Variants in CD226 observed in about 807,000 individuals in gnomAD.
The protein encoded by CD226 is CD226 molecule, also known as CD226 antigen.
CD226 carries 24 observed loss-of-function variants against 34.9 expected under a neutral mutation model. That is an observed-to-expected ratio of 0.69 (90% confidence interval 0.50 to 0.97). The LOEUF (loss-of-function observed/expected upper bound fraction) is 0.97. CD226 is among the 50% of genes least tolerant of loss of function. The pLI is 0.00. For missense variants in CD226, 397 were observed against 412.7 expected (o/e 0.96, Z 0.33); for synonymous variants, 148 against 147.4 (o/e 1.00, Z -0.03).
In CD226 at chr18:69,857,116, C is replaced by G. The variant is rs1366202354; in HGVS notation, c.*7198G>C. Reference sequence around the variant, plus strand: ...CCTGGAAGACGCAGCTTGCGGTGAGCCGAGGTCGCACCACTGCACTCCAGC... The same window carrying G: ...CCTGGAAGACGCAGCTTGCGGTGAGGCGAGGTCGCACCACTGCACTCCAGC... On this transcript the variant is annotated 3_prime_UTR_variant, in exon 6 of 6. Coordinates refer to ENST00000582621, the MANE Select transcript of CD226 (RefSeq NM_001303618.2). 6.6e-6 allele frequency: 1 copy of G among 152,310 alleles called. No homozygotes were observed. The highest frequency in any genetic ancestry group is 1.9e-4 in the East Asian group (1 of 5,202). 9.4% of individuals were successfully genotyped at this position (152,310 alleles called of 1,614,324 possible). A position where few individuals can be genotyped will look rare whatever the true frequency, so the allele number is the denominator to read the frequency against.
chr18:69,901,828 G>C lies in CD226; in HGVS notation c.383-5783C>G, dbSNP rs563600552. ...CGGGAGGCAGAGCTTGCAGTGAGCC[G>C]AGATCGCACCACTGCACTCCAGCCT... On this transcript the variant is annotated intron_variant, in intron 2 of 5. Transcript: ENST00000582621. 4.1e-3 allele frequency among the ~76,000 whole-genome samples: 616 copies of C among 151,186 alleles called. 4 individuals are homozygous for C. Among genetic ancestry groups the C allele is most frequent in the African/African-American group, 0.014 (592 of 41,094 alleles).
At chr18:69,916,210 C>G (rs911416554) in intron 2 of CD226, among the ~76,000 whole-genome samples, 1 of 152,048 alleles carries the variant, frequency 6.6e-6, no homozygotes, top group African/African-American at 2.4e-5. Flanking sequence ...ATACCACAAA[C>G]AAAACTAAAA....
chr18:69,883,172 A>T (rs1025724867), intron 3 of CD226, among the ~76,000 whole-genome samples: 1 of 152,182 alleles, frequency 6.6e-6, no homozygotes, highest in African/African-American at 2.4e-5. Context: ...TAGCAGTGAG[A>T]CTGTCATAGA....
In CD226 at chr18:69,863,958, G is replaced by A. The variant is rs1436078148; in HGVS notation, c.*356C>T. 3 of 164,740 alleles carry A rather than the reference G, an allele frequency of 1.8e-5. No homozygotes were observed. The highest frequency in any genetic ancestry group is 7.2e-5 in the African/African-American group (3 of 41,936). The allele number at this position is 164,740 out of a possible 1,614,324, so 10.2% of individuals were successfully genotyped here. On this transcript the variant is annotated 3_prime_UTR_variant, in exon 6 of 6. Transcript: ENST00000582621. ...GCATGAGAGTGAGGCCAAGACCAGG[G>A]AAATGGATCCAACACTCTGGAAAGG...
At chr18:69,865,822 T>C (rs941281806) in intron 5 of CD226, among the ~76,000 whole-genome samples, 2 of 152,246 alleles carry the variant, frequency 1.3e-5, no homozygotes, top group Non-Finnish European at 2.9e-5. Context: ...CTTGTGGCCA[T>C]GTAGAATTCC....
In CD226 at chr18:69,879,433, T is replaced by G. The variant is rs117819005; in HGVS notation, c.728-6187A>C. On this transcript the variant is annotated intron_variant, in intron 3 of 5. Transcript: ENST00000582621. ...CAGGGCTGTGAATTATTAATATTCC[T>G]TACTGGGGAAGGAATTCAGCGATAT... is the stretch of plus-strand genomic sequence containing the variant. Among the ~76,000 whole-genome samples the G allele has an allele frequency of 6.1e-3, 926 of 152,224 alleles. 33 individuals are homozygous for G. The East Asian group carries it at 0.092, about 15-fold the overall frequency.
intron 2 of CD226, among the ~76,000 whole-genome samples, chr18:69,911,106 T>G (rs1269089460): frequency 6.6e-6 from 1 of 152,214 alleles, no homozygotes; most frequent in African/African-American, 2.4e-5. Context: ...ATTGAAATGG[T>G]CCAACATTTT....
rs1297708101 is a variant in CD226, at chr18:69,862,816, C to CATG, written c.*1495_*1497dup. ...TTGGATTTGCTTTATTTAAGATTAT[C>CATG]ATGAAGTCCACAACTTTGATATTTA... On this transcript the variant is annotated 3_prime_UTR_variant, in exon 6 of 6. Transcript: ENST00000582621. 1 of 152,168 alleles carries CATG rather than the reference C, an allele frequency of 6.6e-6. No individual in the cohort carries two copies. Among genetic ancestry groups the CATG allele is most frequent in the African/African-American group, 2.4e-5 (1 of 41,442 alleles). 9.4% of individuals were successfully genotyped at this position (152,168 alleles called of 1,614,324 possible).
chr18:69,890,212 G>A (rs527413025), intron 3 of CD226, among the ~76,000 whole-genome samples: 1 of 152,278 alleles, frequency 6.6e-6, no homozygotes, highest in South Asian at 2.1e-4. Flanking sequence ...CACTTACTGG[G>A]CATATTCTGA....
intron 2 of CD226, among the ~76,000 whole-genome samples, chr18:69,912,725 T>A (rs896693472): frequency 2.0e-5 from 3 of 152,248 alleles, no homozygotes; most frequent in Admixed American, 2.0e-4. Context: ...TGTGACTATA[T>A]TCAATGCTTT....
upstream of CD226, among the ~76,000 whole-genome samples, chr18:69,948,045 G>A (rs568012684): frequency 3.9e-5 from 6 of 152,156 alleles, no homozygotes; most frequent in South Asian, 1.0e-3. Flanking sequence ...AAGTATGCTG[G>A]CCCAGGGCAT....
At chr18:69,958,969 T>G (rs1345232164), upstream of CD226, among the ~76,000 whole-genome samples, 1 of 152,230 alleles carries the variant, frequency 6.6e-6, no homozygotes, top group Non-Finnish European at 1.5e-5. Context: ...CTCTGGTTTA[T>G]TTAGCTTCCT....
chr18:69,885,556 C>T (rs542887578), intron 3 of CD226, among the ~76,000 whole-genome samples: 46 of 152,286 alleles, frequency 3.0e-4, no homozygotes, highest in African/African-American at 1.1e-3. Flanking sequence ...ACACAGGAAG[C>T]GTCCAGTGGG....
At chr18:69,960,318 C>T (rs186475230), upstream of CD226, among the ~76,000 whole-genome samples, 6 of 151,714 alleles carry the variant, frequency 4.0e-5, no homozygotes, top group East Asian at 1.9e-4. Flanking sequence ...AAGGACACTA[C>T]GAGACCACAA....
upstream of CD226, among the ~76,000 whole-genome samples, chr18:69,960,105 T>C (rs1234013097): frequency 6.6e-6 from 1 of 151,612 alleles, no homozygotes; most frequent in African/African-American, 2.4e-5. Context: ...CCAGTTGTGG[T>C]GGTGCACGTC....
upstream of CD226, among the ~76,000 whole-genome samples, chr18:69,960,057 T>C (rs894749693): frequency 1.1e-4 from 17 of 151,902 alleles, no homozygotes; most frequent in African/African-American, 3.1e-4. Flanking sequence ...CTAGCCAATA[T>C]GGTGAAACCC....
In CD226 at chr18:69,873,129, A is replaced by C; in HGVS notation, c.830+15T>G. ...AACATGGTGAATAAGATTCAGCATAAGTTGCACTACTCACCTGTTAAGGAA... is the reference window on the plus strand; with the variant it reads ...AACATGGTGAATAAGATTCAGCATACGTTGCACTACTCACCTGTTAAGGAA... On this transcript the variant is annotated intron_variant, in intron 4 of 5. Coordinates refer to ENST00000582621, the MANE Select transcript of CD226 (RefSeq NM_001303618.2). 1 of 1,319,820 alleles carries C rather than the reference A, an allele frequency of 7.6e-7. No individual in the cohort carries two copies. The highest frequency in any genetic ancestry group is 1.1e-6 in the Non-Finnish European group (1 of 912,294). The allele number at this position is 1,319,820 out of a possible 1,614,324, so 81.8% of individuals were successfully genotyped here.
At chr18:69,891,845 G>A (rs1984922961) in intron 3 of CD226, among the ~76,000 whole-genome samples, 1 of 152,118 alleles carries the variant, frequency 6.6e-6, no homozygotes, top group South Asian at 2.1e-4. Flanking sequence ...TTATTGTTTT[G>A]CCATCTTTGC....
intron 2 of CD226, among the ~76,000 whole-genome samples, chr18:69,916,257 G>A (rs2055384550): frequency 6.6e-6 from 1 of 152,138 alleles, no homozygotes; most frequent in South Asian, 2.1e-4. Flanking sequence ...TTAATTTGGT[G>A]TGTGGTTACT....
Sources: gnomAD v4.1 joint callset for allele counts (sites outside exome capture counted in the v4.1 genomes callset) on GRCh38, gnomAD v4.1.1 for gene constraint, MANE v1.5 for transcripts, NCBI Gene and HGNC (gene_info 2026-07-23, HGNC 2026-07-21) for gene names.